Variants in ENOX2 observed in about 807,000 individuals in gnomAD.
ENOX2 encodes the protein ecto-NOX disulfide-thiol exchanger 2.
Under a neutral mutation model 45.0 loss-of-function variants are expected in ENOX2, and 36 were observed. The ratio of observed to expected loss-of-function variants is 0.80; its 90% confidence interval spans 0.61 to 1.06. The LOEUF (loss-of-function observed/expected upper bound fraction) is 1.06, where lower values mean the gene tolerates loss of function less well. Among genes scored for constraint, ENOX2 ranks in the 50% least tolerant of loss-of-function variants. The probability of loss-of-function intolerance (pLI) is 0.00; values close to 1 mark genes in which losing one functional copy is unlikely to be tolerated. For missense variants in ENOX2, 423 were observed against 462.5 expected, an observed-to-expected ratio of 0.91 and a Z score of 0.78; for synonymous variants, 174 against 152.3, an observed-to-expected ratio of 1.14 and a Z score of -1.05.
chrX:130,649,119 A>G (rs1176602654), intron 10 of ENOX2, among the ~76,000 whole-genome samples: 1 of 101,626 alleles, frequency 9.8e-6, no homozygotes, highest in Non-Finnish European at 2.0e-5. Flanking sequence ...CTCTCACCAT[A>G]TGATCTCTGC....
intron 2 of ENOX2, among the ~76,000 whole-genome samples, chrX:130,885,328 C>A (rs2078882619): frequency 9.0e-6 from 1 of 110,983 alleles, no homozygotes; most frequent in Non-Finnish European, 1.9e-5. Flanking sequence ...TAAGTTTAGG[C>A]TGCACTTAGA....
intron 3 of ENOX2, among the ~76,000 whole-genome samples, chrX:130,772,530 T>C (rs1453568843): frequency 8.9e-6 from 1 of 112,067 alleles, no homozygotes; most frequent in Non-Finnish European, 1.9e-5. Flanking sequence ...TGTCAAGCTC[T>C]GAAGCAAATT....
At chrX:130,879,008 T>G (rs890919602) in intron 2 of ENOX2, among the ~76,000 whole-genome samples, 13 of 112,317 alleles carry the variant, frequency 1.2e-4, no homozygotes, top group African/African-American at 3.6e-4. Context: ...TTATTTTACG[T>G]TCCTCATATT....
rs140338303 is a variant in ENOX2, at chrX:130,659,595, C to T, written c.1015-2900G>A. ...TCAGTTATCATCAAAGAGCTGTTAC[C>T]GGAAAGGTGATTATAATGAAGTTTG... On this transcript the variant is annotated intron_variant, in intron 9 of 14. Transcript: ENST00000394363. Among the ~76,000 whole-genome samples, 446 of 112,203 alleles carry T rather than the reference C, an allele frequency of 4.0e-3. 2 individuals are homozygous for T. The highest frequency in any genetic ancestry group is 0.014 in the African/African-American group (429 of 30,909).
chrX:130,706,955 A>G (rs1024930264), intron 3 of ENOX2, among the ~76,000 whole-genome samples: 8 of 112,464 alleles, frequency 7.1e-5, no homozygotes, highest in Non-Finnish European at 1.3e-4. Flanking sequence ...TTTCAAAGGA[A>G]AATCCCAGAT....
chrX:130,793,386 T>C (rs2077073537), intron 2 of ENOX2, among the ~76,000 whole-genome samples: 1 of 112,394 alleles, frequency 8.9e-6, no homozygotes, highest in Non-Finnish European at 1.9e-5. Context: ...AAGTAAATCA[T>C]GAATAAATAA....
chrX:130,848,363 C>A (rs888767873), intron 2 of ENOX2, among the ~76,000 whole-genome samples: 6 of 111,683 alleles, frequency 5.4e-5, no homozygotes, highest in African/African-American at 2.0e-4. Flanking sequence ...TGCAAGTACC[C>A]TTAAATCAAA....
chrX:130,728,335 T>A (rs141575169), intron 3 of ENOX2, among the ~76,000 whole-genome samples: 1,607 of 111,732 alleles, frequency 0.014, 12 homozygotes, highest in Non-Finnish European at 0.022. Context: ...TACCTCTCTG[T>A]GACCAGCTTT....
rs190580583 is a variant in ENOX2, at chrX:130,714,312, C to T, written c.-38-11058G>A. ...AACTCTGGCCCTACCGTTTACTCAC[C>T]ATGTAGCAATCACTTACACCTGTGT... is the stretch of plus-strand genomic sequence containing the variant. On this transcript the variant is annotated intron_variant, in intron 3 of 14. Transcript: ENST00000394363. Among the ~76,000 whole-genome samples the T allele has an allele frequency of 3.9e-3, 442 of 111,988 alleles. 2 individuals carry two copies. The highest frequency in any genetic ancestry group is 0.014 in the African/African-American group (427 of 30,856).
intron 4 of ENOX2, among the ~76,000 whole-genome samples, chrX:130,700,202 G>T (rs1286401814): frequency 8.9e-6 from 1 of 112,087 alleles, no homozygotes; most frequent in Non-Finnish European, 1.9e-5. Context: ...ATAATACAGA[G>T]ATGAGAAAAA....
At chrX:130,895,301 G>T (rs1453898514) in intron 2 of ENOX2, among the ~76,000 whole-genome samples, 1 of 111,742 alleles carries the variant, frequency 8.9e-6, no homozygotes, top group Non-Finnish European at 1.9e-5. Flanking sequence ...TAATCCTAGT[G>T]AAGTATGTTT....
chrX:130,840,815 T>C (rs776311235), intron 2 of ENOX2, among the ~76,000 whole-genome samples: 1 of 111,486 alleles, frequency 9.0e-6, no homozygotes, highest in East Asian at 2.8e-4. Context: ...TGTGGTGAGC[T>C]GTAATCACAC....
At chrX:130,799,440 C>T (rs1159348237) in intron 2 of ENOX2, among the ~76,000 whole-genome samples, 8 of 111,541 alleles carry the variant, frequency 7.2e-5, no homozygotes, top group Non-Finnish European at 1.3e-4. Flanking sequence ...TGGGACTTCA[C>T]CTTGTAATCA....
chrX:130,844,993 G>A (rs2078075714), intron 2 of ENOX2, among the ~76,000 whole-genome samples: 1 of 112,166 alleles, frequency 8.9e-6, no homozygotes, highest in East Asian at 2.8e-4. Context: ...TTTCTCCTCT[G>A]TGGACAAAGT....
intron 2 of ENOX2, among the ~76,000 whole-genome samples, chrX:130,853,595 T>C (rs1258409899): frequency 9.2e-6 from 1 of 108,664 alleles, no homozygotes; most frequent in African/African-American, 3.3e-5. Flanking sequence ...CCTAACCTCA[T>C]CCCTATGAGC....
chrX:130,819,358 G>A (rs994892549), intron 2 of ENOX2, among the ~76,000 whole-genome samples: 8 of 111,253 alleles, frequency 7.2e-5, no homozygotes, highest in South Asian at 3.8e-4. Context: ...CATTTGACCC[G>A]GCAATCTCAT....
chrX:130,721,038 A>C (rs2038461337), intron 3 of ENOX2, among the ~76,000 whole-genome samples: 1 of 111,766 alleles, frequency 8.9e-6, no homozygotes, highest in South Asian at 3.9e-4. Context: ...GATGAACAGG[A>C]GGAAACTGAG....
rs762143954 is a variant in ENOX2 at position 130,892,416 on chromosome X, C to T, written c.-183+9268G>A. ...AACCCATCCTTTTAAAGAAAAAGCT[C>T]GGAAGTAGCAGACAGTACTGCTGGA... On this transcript the variant is annotated intron_variant, in intron 2 of 14. Coordinates refer to ENST00000394363, the MANE Select transcript of ENOX2 (RefSeq NM_006375.4). Among the ~76,000 whole-genome samples, 6 of 112,394 alleles carry T rather than the reference C, an allele frequency of 5.3e-5. No homozygotes were observed. In the East Asian group the frequency reaches 1.4e-3, roughly 26 times the overall value.
intron 4 of ENOX2, among the ~76,000 whole-genome samples, chrX:130,700,438 G>T (rs938982270): frequency 1.8e-5 from 2 of 111,862 alleles, no homozygotes; most frequent in Admixed American, 9.5e-5. Flanking sequence ...CTTTACAGTC[G>T]TTAAGAAAAC....
Sources: allele counts gnomAD v4.1 joint callset (sites outside exome capture counted in the v4.1 genomes callset), GRCh38; gene constraint gnomAD v4.1.1; transcripts MANE v1.5; gene names NCBI Gene and HGNC (gene_info 2026-07-23, HGNC 2026-07-21).